The following PTDSS2 variants were observed in gnomAD, a reference collection of about 807,000 sequenced individuals.
PTDSS2 encodes the protein phosphatidylserine synthase 2, also known as PSS-2.
In PTDSS2, 41 loss-of-function variants were observed where a neutral mutation model predicts 64.7. The ratio of observed to expected loss-of-function variants is 0.63; its 90% CI spans 0.49 to 0.82. The LOEUF (loss-of-function observed/expected upper bound fraction) is 0.82, where lower values mean the gene tolerates loss of function less well. Among genes scored for constraint, PTDSS2 ranks in the 40% least tolerant of loss-of-function variants. The pLI is 0.00. For missense variants in PTDSS2, 485 were observed against 650.0 expected (o/e 0.75, Z 2.76); for synonymous variants, 297 against 277.8 (o/e 1.07, Z -0.69).
intron 6 of PTDSS2, among the ~76,000 whole-genome samples, chr11:487,782 G>A (rs1052506204): frequency 2.0e-5 from 3 of 152,222 alleles, no homozygotes; most frequent in Admixed American, 2.0e-4. Flanking sequence ...CTACCTATGG[G>A]GCTAAGAGCA....
intron 2 of PTDSS2, among the ~76,000 whole-genome samples, chr11:473,022 G>C (rs1336379205): frequency 6.6e-6 from 1 of 152,250 alleles, no homozygotes; most frequent in African/African-American, 2.4e-5. Flanking sequence ...GCAGAGCACA[G>C]AGCGCGTCCG....
intron 1 of PTDSS2, among the ~76,000 whole-genome samples, chr11:456,170 C>CTTTTTTTTTT (rs71022912): frequency 3.5e-5 from 4 of 114,894 alleles, no homozygotes; most frequent in Non-Finnish European, 5.3e-5. Context: ...TTCTTTCATT[C>CTTTTTTTTTT]TTTTTTTTTT....
At chr11:488,479 G>A in intron 7 of PTDSS2, 50 bp from the exon 8 acceptor site, 1 of 1,515,066 alleles carries the variant, frequency 6.6e-7, no homozygotes, top group Non-Finnish European at 9.2e-7. Context: ...TCCTCCTCGG[G>A]GGGCTCGTTA....
chr11:477,430 G>A (rs892299904), intron 3 of PTDSS2, among the ~76,000 whole-genome samples: 1 of 152,196 alleles, frequency 6.6e-6, no homozygotes, highest in Non-Finnish European at 1.5e-5. Flanking sequence ...CCTGGGGTCA[G>A]GGAGGTGCTG....
At chr11:481,305 C>T (rs1168188076) in intron 4 of PTDSS2, among the ~76,000 whole-genome samples, 1 of 152,124 alleles carries the variant, frequency 6.6e-6, no homozygotes, top group African/African-American at 2.4e-5. Context: ...CCAGTTTGTT[C>T]TTTTTCAAGA....
intron 1 of PTDSS2, among the ~76,000 whole-genome samples, chr11:452,100 G>A (rs1846356355): frequency 6.6e-6 from 1 of 152,194 alleles, no homozygotes; most frequent in Admixed American, 6.5e-5. Context: ...CTCTTCTGAG[G>A]TCCCGGAGCA....
intron 3 of PTDSS2, among the ~76,000 whole-genome samples, chr11:474,779 TTAAAAA>T (rs1415724355): frequency 1.3e-5 from 2 of 152,232 alleles, no homozygotes; most frequent in Non-Finnish European, 2.9e-5. Flanking sequence ...ACAAAGATAC[TTAAAAA>T]TAAAGCTACC....
Position 489,593 on chromosome 11 carries a change from G to A in PTDSS2, c.975G>A (p.Leu325=), listed in dbSNP as rs1211177456. 1 of 1,601,486 alleles carries A rather than the reference G, an allele frequency of 6.2e-7. No individual in the cohort carries two copies. The highest frequency in any genetic ancestry group is 1.3e-5 in the African/African-American group (1 of 74,680). Residue 325 remains leucine (L), a synonymous_variant, in exon 10 of 12, where the codon CTG becomes CTA. Coordinates refer to ENST00000308020, the MANE Select transcript of PTDSS2 (RefSeq NM_030783.3). ...LAVCGIILVF[L]LAELNTFYLK... Reference sequence around the variant, plus strand: ...CTCACCCTCTCCTCCCCTAGTTCCTGTTGGCAGAACTGAACACGTTCTACC... The same window carrying A: ...CTCACCCTCTCCTCCCCTAGTTCCTATTGGCAGAACTGAACACGTTCTACC...
rs146692465 is a variant in PTDSS2 at position 477,846 on chromosome 11, C to G, written c.368-1239C>G. 1.5e-4 allele frequency among the ~76,000 whole-genome samples: 23 copies of G among 152,346 alleles called. No homozygotes were observed. In the East Asian group the frequency reaches 3.7e-3, roughly 24 times the overall value. ...TGGGCCACTGGGAAGTTTCCAGGTTCTTCTTATCCCAAGGCGTGAGGAAGA... is the reference window on the plus strand; with the variant it reads ...TGGGCCACTGGGAAGTTTCCAGGTTGTTCTTATCCCAAGGCGTGAGGAAGA... On this transcript the variant is annotated intron_variant, in intron 3 of 11. Coordinates refer to ENST00000308020, the MANE Select transcript of PTDSS2 (RefSeq NM_030783.3).
chr11:486,820 C>T, intron 4 of PTDSS2, 119 bp from the exon 5 acceptor site: 24 of 1,346,226 alleles, frequency 1.8e-5, no homozygotes, highest in Non-Finnish European at 2.3e-5. Flanking sequence ...TGCATTCCAG[C>T]CTGGGCGACA....
In PTDSS2 at chr11:490,662, A is replaced by G. The variant is rs935522390; in HGVS notation, c.*80A>G. 5.0e-6 allele frequency: 7 copies of G among 1,413,516 alleles called. No homozygotes were observed. The African/African-American group carries it at 8.6e-5, about 17-fold the overall frequency. The allele number at this position is 1,413,516 out of a possible 1,614,324, so 87.6% of individuals were successfully genotyped here. On this transcript the variant is annotated 3_prime_UTR_variant, in exon 12 of 12. Coordinates refer to ENST00000308020, the MANE Select transcript of PTDSS2 (RefSeq NM_030783.3). ...TCCTGTGTGAGTCCCACCAGGAGCCACGTGCCCGGCCTTGCCCTCAAGGTT... is the reference window on the plus strand; with the variant it reads ...TCCTGTGTGAGTCCCACCAGGAGCCGCGTGCCCGGCCTTGCCCTCAAGGTT...
At chr11:459,314 C>T (rs112021367) in intron 1 of PTDSS2, 1 of 98,002 alleles carries the variant, frequency 1.0e-5, no homozygotes, top group Admixed American at 1.1e-4. Flanking sequence ...CGGTGGATGT[C>T]GGACCTGGGT....
At chr11:488,691 C>T in intron 8 of PTDSS2, 44 bp downstream of exon 8, 1 of 1,423,370 alleles carries the variant, frequency 7.0e-7, no homozygotes, top group Non-Finnish European at 9.9e-7. Context: ...TGGGGGTTAC[C>T]TGGAGGCAGC....
At chr11:486,459 G>A (rs929288927) in intron 4 of PTDSS2, among the ~76,000 whole-genome samples, 6 of 152,228 alleles carry the variant, frequency 3.9e-5, no homozygotes, top group Admixed American at 1.3e-4. Flanking sequence ...CCTTCCCCAC[G>A]CGCTGCCCCA....
Position 479,699 on chromosome 11 carries a change from CT to C in PTDSS2, c.435+549del, listed in dbSNP as rs1301503092. 2.6e-5 allele frequency among the ~76,000 whole-genome samples: 4 copies of C among 151,292 alleles called. No homozygotes were observed. Among genetic ancestry groups the C allele is most frequent in the Non-Finnish European group, 5.9e-5 (4 of 67,912 alleles). On this transcript the variant is annotated intron_variant, in intron 4 of 11. Transcript: ENST00000308020. This position sits in a 1 kb window ranked among gnomAD's most constrained non-coding sequence, Gnocchi z 4.2. The stretch of plus-strand genomic sequence containing the variant: ...TGGTTGACCAGTGTGACTGTGTGTG[CT>C]TCTTCCCCATCCTGACCACATTCTG...
intron 1 of PTDSS2, among the ~76,000 whole-genome samples, chr11:451,174 C>G (rs775733941): frequency 1.3e-5 from 2 of 152,214 alleles, no homozygotes; most frequent in African/African-American, 2.4e-5. Flanking sequence ...AGTCGGTGTT[C>G]GTCGAATCCA....
chr11:465,012 A>G (rs1847081064), intron 2 of PTDSS2, among the ~76,000 whole-genome samples: 1 of 152,234 alleles, frequency 6.6e-6, no homozygotes, highest in Admixed American at 6.5e-5. Context: ...GACTGCAGGC[A>G]GCCGATCCTT....
At chr11:456,117 G>A (rs1165829840) in intron 1 of PTDSS2, among the ~76,000 whole-genome samples, 3 of 151,696 alleles carry the variant, frequency 2.0e-5, no homozygotes, top group African/African-American at 7.3e-5. Flanking sequence ...TTGGCTTTGC[G>A]ATCTAAACCT....
At position 486,809 on chromosome 11, in the gene PTDSS2, C is replaced by T. The variant is rs1377963726; in HGVS notation, c.436-130C>T. 5 of 1,250,798 alleles carry T rather than the reference C, an allele frequency of 4.0e-6. No individual in the cohort carries two copies. In the East Asian group the frequency reaches 1.1e-4, roughly 26 times the overall value. 77.5% of individuals were successfully genotyped at this position (1,250,798 alleles called of 1,614,324 possible). A position where few individuals can be genotyped will look rare whatever the true frequency, so the allele number is the denominator to read the frequency against. On this transcript the variant is annotated intron_variant, in intron 4 of 11. Coordinates refer to ENST00000308020, the MANE Select transcript of PTDSS2 (RefSeq NM_030783.3). Reference sequence around the variant, plus strand: ...CTTGCAGTGAGCCCAGTTCACGCCACTGCATTCCAGCCTGGGCGACAGAGC... The same window carrying T: ...CTTGCAGTGAGCCCAGTTCACGCCATTGCATTCCAGCCTGGGCGACAGAGC...
Sources: gnomAD v4.1 joint callset for allele counts (sites outside exome capture counted in the v4.1 genomes callset) on GRCh38, gnomAD v4.1.1 for gene constraint, Gnocchi (gnomAD v3.1) non-coding constraint, MANE v1.5 for transcripts, NCBI Gene and HGNC (gene_info 2026-07-23, HGNC 2026-07-21) for gene names.